The following NCOR1 variants were observed in gnomAD, a reference collection of about 807,000 sequenced individuals.
The protein encoded by NCOR1 is nuclear receptor corepressor 1.
In NCOR1, 63 loss-of-function variants were observed where a neutral mutation model predicts 288.1. That is an observed-to-expected ratio of 0.22 (90% CI 0.18 to 0.27). The LOEUF (loss-of-function observed/expected upper bound fraction) is 0.27, where lower values mean the gene tolerates loss of function less well. Among genes scored for constraint, NCOR1 ranks in the 10% least tolerant of loss-of-function variants. NCOR1 has a pLI of 1.00. For missense variants in NCOR1, 2,397 were observed against 3,019.2 expected (o/e 0.79, Z 4.83); for synonymous variants, 1,007 against 1,065.9 (o/e 0.94, Z 1.08).
intron 21 of NCOR1, among the ~76,000 whole-genome samples, chr17:16,094,553 TCCCCTC>T (rs1555632553): frequency 6.6e-6 from 1 of 151,620 alleles, no homozygotes; most frequent in African/African-American, 2.4e-5. Context: ...TGACTCCGGC[TCCCCTC>T]CCCTCTCCCC....
intron 42 of NCOR1, among the ~76,000 whole-genome samples, chr17:16,043,776 T>C (rs747759035): frequency 3.9e-5 from 6 of 152,214 alleles, no homozygotes; most frequent in African/African-American, 7.2e-5. Context: ...CCAAGAGAAA[T>C]TGAAAACAAG....
chr17:16,085,240 A>G (rs2064036212), intron 23 of NCOR1, among the ~76,000 whole-genome samples: 1 of 152,256 alleles, frequency 6.6e-6, no homozygotes, highest in South Asian at 2.1e-4. Flanking sequence ...CTACACACCA[A>G]GTATGACTAA....
chr17:16,159,461 C>T (rs976785641), intron 5 of NCOR1, among the ~76,000 whole-genome samples: 6 of 139,654 alleles, frequency 4.3e-5, no homozygotes, highest in Non-Finnish European at 6.3e-5. Context: ...AAACTTAAAG[C>T]AAAATAATAA....
At chr17:16,135,091 G>T (rs1467082769) in intron 14 of NCOR1, among the ~76,000 whole-genome samples, 1 of 150,202 alleles carries the variant, frequency 6.7e-6, no homozygotes, top group Non-Finnish European at 1.5e-5. Context: ...CCCGGGAGGT[G>T]GAGCTTGCAG....
chr17:16,165,305 C>T (rs200619126), intron 4 of NCOR1, 144 bp from the exon 5 acceptor site: 1 of 613,104 alleles, frequency 1.6e-6, no homozygotes, highest in Non-Finnish European at 2.8e-6. Flanking sequence ...CTTTCATATT[C>T]ACATACATGC....
intron 27 of NCOR1, among the ~76,000 whole-genome samples, chr17:16,074,603 G>A (rs1035026485): frequency 6.6e-6 from 1 of 152,150 alleles, no homozygotes; most frequent in Non-Finnish European, 1.5e-5. Flanking sequence ...CACTATGTAC[G>A]CACATACTTT....
At chr17:16,099,248 A>G (rs749251601) in intron 20 of NCOR1, among the ~76,000 whole-genome samples, 24 of 152,208 alleles carry the variant, frequency 1.6e-4, no homozygotes, top group Non-Finnish European at 3.2e-4. Flanking sequence ...ACTCAAGTTT[A>G]GGATGCCCAA....
intron 21 of NCOR1, among the ~76,000 whole-genome samples, chr17:16,092,380 G>A (rs560419269): frequency 8.6e-5 from 13 of 151,790 alleles, no homozygotes; most frequent in Middle Eastern, 3.4e-3. Context: ...CCAGCTACTC[G>A]GGAGGCTGAC....
intron 20 of NCOR1, among the ~76,000 whole-genome samples, chr17:16,099,003 T>C (rs1414662684): frequency 6.6e-6 from 1 of 152,236 alleles, no homozygotes; most frequent in Non-Finnish European, 1.5e-5. Flanking sequence ...AGTATTTTTT[T>C]AAATATTTGA....
chr17:16,201,377 T>TCA (rs1369652931), intron 1 of NCOR1, among the ~76,000 whole-genome samples: 1 of 151,910 alleles, frequency 6.6e-6, no homozygotes, highest in Non-Finnish European at 1.5e-5. Context: ...GGCAAGTGGA[T>TCA]CACTAGAAGC....
intron 5 of NCOR1, among the ~76,000 whole-genome samples, chr17:16,162,692 G>C (rs1011813955): frequency 6.6e-6 from 1 of 151,970 alleles, no homozygotes; most frequent in African/African-American, 2.4e-5. Flanking sequence ...CCAAATATAA[G>C]ACAATATTTA....
chr17:16,203,335 G>GTT (rs2091095250), intron 1 of NCOR1, among the ~76,000 whole-genome samples: 6 of 152,094 alleles, frequency 3.9e-5, no homozygotes, highest in Admixed American at 3.9e-4. Context: ...TTGCTCACTA[G>GTT]GCCCCAGCAA....
intron 1 of NCOR1, among the ~76,000 whole-genome samples, chr17:16,210,854 C>A (rs145418572): frequency 1.3e-5 from 2 of 152,118 alleles, no homozygotes; most frequent in South Asian, 4.1e-4. Context: ...CTCAGCCTCC[C>A]GAGTAGCTGG....
At chr17:16,177,425 T>C (rs1256974033) in intron 3 of NCOR1, among the ~76,000 whole-genome samples, 1 of 150,570 alleles carries the variant, frequency 6.6e-6, no homozygotes, top group African/African-American at 2.5e-5. Flanking sequence ...ATTCGCCTCA[T>C]TTGTGCCATT....
At chr17:16,143,793 T>G in intron 10 of NCOR1, 97 bp from the exon 11 acceptor site, 1 of 837,462 alleles carries the variant, frequency 1.2e-6, no homozygotes, top group Middle Eastern at 2.8e-4. Flanking sequence ...ATGGAACTTT[T>G]TAACCAAGTT....
At chr17:16,197,864 G>A (rs1315405874) in intron 1 of NCOR1, among the ~76,000 whole-genome samples, 4 of 152,066 alleles carry the variant, frequency 2.6e-5, no homozygotes, top group Admixed American at 6.6e-5. Context: ...AAAAAGTACC[G>A]CAGAATATAA....
chr17:16,075,522 T>C lies in NCOR1; in HGVS notation c.3670+12A>G, dbSNP rs774601923. On this transcript the variant is annotated intron_variant, in intron 27 of 45. Transcript: ENST00000268712. The stretch of plus-strand genomic sequence containing the variant: ...TGTAATACTGGCTTTGGTGCATACA[T>C]ACAATACTTACTATCATATGACAAG... 6.4e-5 allele frequency: 103 copies of C among 1,613,720 alleles called. No homozygotes were observed. Among genetic ancestry groups the C allele is most frequent in the Non-Finnish European group, 8.5e-5 (100 of 1,179,838 alleles).
rs530841151 is a variant in NCOR1, at chr17:16,103,829, G to A, written c.2183-2072C>T. Among the ~76,000 whole-genome samples the A allele has an allele frequency of 5.9e-5, 9 of 152,234 alleles. No homozygotes were observed. In the East Asian group the frequency reaches 1.7e-3, roughly 29 times the overall value. On this transcript the variant is annotated intron_variant, in intron 19 of 45. Transcript: ENST00000268712. ...TGAGGAGTTTGAGACCATCCTGACC[G>A]ACATAGTGAAACCCCGTCTCTACTA...
At chr17:16,097,782 G>C (rs1310830643) in intron 21 of NCOR1, among the ~76,000 whole-genome samples, 2 of 152,292 alleles carry the variant, frequency 1.3e-5, no homozygotes, top group East Asian at 1.9e-4. Flanking sequence ...GGAATCCCCA[G>C]TCTGCAGCCT....
Sources: gnomAD v4.1 joint callset for allele counts (sites outside exome capture counted in the v4.1 genomes callset) on GRCh38, gnomAD v4.1.1 for gene constraint, MANE v1.5 for transcripts, NCBI Gene and HGNC (gene_info 2026-07-23, HGNC 2026-07-21) for gene names.